Variants in CC2D2B observed in about 807,000 individuals in gnomAD.
CC2D2B encodes the protein protein CC2D2B.
CC2D2B carries 128 observed loss-of-function variants against 161.2 expected under a neutral mutation model. The ratio of observed to expected loss-of-function variants is 0.79; its 90% CI spans 0.69 to 0.92. The LOEUF is 0.92. CC2D2B is among the 40% of genes least tolerant of loss of function. The pLI is 0.00. For missense variants in CC2D2B, 1,173 were observed against 1,375.1 expected (o/e 0.85, Z 2.32); for synonymous variants, 391 against 449.8 (o/e 0.87, Z 1.65).
At chr10:95,992,498 G>C (rs1418985278) in intron 21 of CC2D2B, 29 bp from the exon 22 acceptor site, 43 of 1,231,756 alleles carry the variant, frequency 3.5e-5, no homozygotes, top group Middle Eastern at 2.1e-4. Context: ...AAACGTAAAT[G>C]AGGCTAATGA....
At chr10:96,008,643 A>G (rs2078859736) in intron 25 of CC2D2B, among the ~76,000 whole-genome samples, 1 of 152,116 alleles carries the variant, frequency 6.6e-6, no homozygotes, top group Admixed American at 6.6e-5. Flanking sequence ...TTTCCTAATG[A>G]CTAATGGTGT....
At chr10:96,027,133 A>T in intron 33 of CC2D2B, 79 bp from the exon 34 acceptor site, 1 of 1,142,992 alleles carries the variant, frequency 8.7e-7, no homozygotes, top group Non-Finnish European at 1.2e-6. Flanking sequence ...CAAAAAAAAA[A>T]AAAAGTCACA....
chr10:95,959,476 T>C (rs1240651694), intron 11 of CC2D2B, among the ~76,000 whole-genome samples: 2 of 152,066 alleles, frequency 1.3e-5, no homozygotes, highest in Admixed American at 6.6e-5. Flanking sequence ...CTCTTTCAAA[T>C]AAAAGAAAAA....
At chr10:95,928,549 G>T (rs1590385030) in intron 6 of CC2D2B, among the ~76,000 whole-genome samples, 2 of 152,042 alleles carry the variant, frequency 1.3e-5, no homozygotes, top group African/African-American at 4.8e-5. Context: ...CTAATGCTAT[G>T]CCTCCCCTCG....
At chr10:95,909,308 C>A (rs923288926) in intron 1 of CC2D2B, among the ~76,000 whole-genome samples, 10 of 152,122 alleles carry the variant, frequency 6.6e-5, no homozygotes, top group Admixed American at 5.2e-4. Flanking sequence ...ATCCTAATAA[C>A]AATAAAGGGT....
chr10:95,978,842 T>C (rs912785305), intron 17 of CC2D2B, among the ~76,000 whole-genome samples: 1 of 152,236 alleles, frequency 6.6e-6, no homozygotes, highest in Non-Finnish European at 1.5e-5. Flanking sequence ...TTTTTACTTT[T>C]ATTTTCTGCT....
chr10:96,015,143 C>A (rs1372244365), intron 29 of CC2D2B, among the ~76,000 whole-genome samples: 2 of 151,924 alleles, frequency 1.3e-5, no homozygotes, highest in Non-Finnish European at 2.9e-5. Flanking sequence ...CGACTCACTG[C>A]AACCTCTAAC....
intron 6 of CC2D2B, among the ~76,000 whole-genome samples, chr10:95,930,450 G>A (rs1298512184): frequency 6.6e-6 from 1 of 152,186 alleles, no homozygotes; most frequent in Non-Finnish European, 1.5e-5. Flanking sequence ...GGAGTGGTGA[G>A]AGAGGGCATC....
At chr10:96,028,319 T>C (rs1015461850) in intron 34 of CC2D2B, among the ~76,000 whole-genome samples, 1 of 152,012 alleles carries the variant, frequency 6.6e-6, no homozygotes, top group African/African-American at 2.4e-5. Context: ...GCAAAAGACT[T>C]GAATAGACAT....
At chr10:95,915,284 G>T (rs1386880214) in intron 2 of CC2D2B, among the ~76,000 whole-genome samples, 3 of 151,496 alleles carry the variant, frequency 2.0e-5, no homozygotes, top group African/African-American at 7.2e-5. Context: ...TGCTGAATTT[G>T]TTCATCATTT....
intron 16 of CC2D2B, among the ~76,000 whole-genome samples, chr10:95,973,153 G>A (rs985237806): frequency 7.2e-5 from 11 of 151,866 alleles, no homozygotes; most frequent in African/African-American, 1.2e-4. Context: ...GAGGGGGCGG[G>A]GGGAAATGGG....
intron 7 of CC2D2B, 161 bp from the exon 8 acceptor site, chr10:95,938,406 TAG>T (rs926672613): frequency 3.8e-5 from 23 of 601,388 alleles, no homozygotes; most frequent in Non-Finnish European, 5.3e-5. Flanking sequence ...TATTTATATA[TAG>T]AGAGAGAGAG....
In CC2D2B at chr10:95,988,234, A is replaced by C. The variant is rs1205734241; in HGVS notation, c.2287-16A>C. The C allele has an allele frequency of 1.8e-6, 2 of 1,085,632 alleles. No individual in the cohort carries two copies. Among genetic ancestry groups the C allele is most frequent in the Non-Finnish European group, 2.3e-6 (2 of 853,116 alleles). The allele number at this position is 1,085,632 out of a possible 1,614,324, so 67.2% of individuals were successfully genotyped here. ...TTGTTACATTCAAGAAGTGAAACTAACAATTCTGTATTTAGGAGTATGAAA... is the reference window on the plus strand; with the variant it reads ...TTGTTACATTCAAGAAGTGAAACTACCAATTCTGTATTTAGGAGTATGAAA... On this transcript the variant is annotated splice_polypyrimidine_tract_variant and intron_variant, in intron 19 of 34. Coordinates refer to ENST00000646931, the MANE Select transcript of CC2D2B (RefSeq NM_001349008.3).
rs568422146 is a variant in CC2D2B, at chr10:96,019,960, T to G, written c.3888+136T>G. 3.2e-4 allele frequency: 244 copies of G among 753,344 alleles called. 5 individuals carry two copies. Among genetic ancestry groups the G allele is most frequent in the South Asian group, 1.1e-3 (47 of 42,726 alleles). The allele number at this position is 753,344 out of a possible 1,614,324, so 46.7% of individuals were successfully genotyped here. ...TTGGCAATATTAATTTAAAAACTAG[T>G]TTTCTCTGCCATCCAGCTCACAGGC... On this transcript the variant is annotated intron_variant, in intron 32 of 34. Transcript: ENST00000646931.
chr10:95,997,334 G>C (rs2078270429), intron 24 of CC2D2B, among the ~76,000 whole-genome samples: 1 of 152,050 alleles, frequency 6.6e-6, no homozygotes, highest in African/African-American at 2.4e-5. Context: ...ACATGTGCAA[G>C]AGTTTCTTTT....
In CC2D2B at chr10:95,993,940, GTGTATGTATGTGTATATATATATATATA is replaced by G. The variant is rs1448030825; in HGVS notation, c.2642+1245_2642+1272del. On this transcript the variant is annotated intron_variant, in intron 22 of 34. Coordinates refer to ENST00000646931, the MANE Select transcript of CC2D2B (RefSeq NM_001349008.3). The stretch of plus-strand genomic sequence containing the variant: ...TGTGTGTGTGTGTGTGTGTGTGTGT[GTGTATGTATGTGTATATATATATATATA>G]TATATATATATATATATATATATAT... Among the ~76,000 whole-genome samples, 130 of 26,300 alleles carry G rather than the reference GTGTATGTATGTGTATATATATATATATA, an allele frequency of 4.9e-3. 6 individuals are homozygous for G. Among genetic ancestry groups the G allele is most frequent in the Middle Eastern group, 0.031 (1 of 32 alleles). The allele number at this position is 26,300 out of a possible 152,430, so 17.3% of individuals were successfully genotyped here. A position where few individuals can be genotyped will look rare whatever the true frequency, so the allele number is the denominator to read the frequency against.
In CC2D2B at chr10:95,924,971, A is replaced by C. The variant is rs1047126406; in HGVS notation, c.240+127A>C. 9 of 580,232 alleles carry C rather than the reference A, an allele frequency of 1.6e-5. No individual in the cohort carries two copies. In the East Asian group the frequency reaches 2.6e-4, roughly 16 times the overall value. The allele number at this position is 580,232 out of a possible 1,614,324, so 35.9% of individuals were successfully genotyped here. On this transcript the variant is annotated intron_variant, in intron 5 of 34. Transcript: ENST00000646931. ...TTCTAGTTAATTTACAGAATTGTTC[A>C]ATCAATACCACAGTTTAGTTTTTAT...
intron 25 of CC2D2B, among the ~76,000 whole-genome samples, chr10:96,006,783 C>T (rs2078767076): frequency 6.6e-6 from 1 of 152,108 alleles, no homozygotes; most frequent in Admixed American, 6.6e-5. Context: ...ATAGCAGAAC[C>T]TCTTCCACCA....
chr10:95,962,653 A>AC (rs1427560012), intron 12 of CC2D2B, among the ~76,000 whole-genome samples: 1 of 152,172 alleles, frequency 6.6e-6, no homozygotes, highest in African/African-American at 2.4e-5. Context: ...TTTTCTCCCC[A>AC]CAACCCATTG....
Sources: allele counts gnomAD v4.1 joint callset (sites outside exome capture counted in the v4.1 genomes callset), GRCh38; gene constraint gnomAD v4.1.1; transcripts MANE v1.5; gene names NCBI Gene and HGNC (gene_info 2026-07-23, HGNC 2026-07-21).